Variants in CDH3 observed in about 807,000 individuals in gnomAD.
The protein encoded by CDH3 is cadherin 3.
A neutral mutation model predicts 82.0 loss-of-function variants in CDH3; 54 were observed. The ratio of observed to expected loss-of-function variants is 0.66; its 90% confidence interval spans 0.53 to 0.83. The LOEUF (loss-of-function observed/expected upper bound fraction) is 0.83, where lower values mean the gene tolerates loss of function less well. CDH3 is among the 40% of genes least tolerant of loss of function. The pLI is 0.00. For missense variants in CDH3, 1,054 were observed against 1,084.6 expected, an observed-to-expected ratio of 0.97 and a Z score of 0.40; for synonymous variants, 446 against 437.9, an observed-to-expected ratio of 1.02 and a Z score of -0.23.
At chr16:68,645,526 C>A in intron 1 of CDH3, 102 bp downstream of exon 1, 2 of 1,475,150 alleles carry the variant, frequency 1.4e-6, no homozygotes, top group South Asian at 1.2e-5. Flanking sequence ...GGGCTGCGCT[C>A]CCTGGGGCCA....
chr16:68,731,037 A>C (rs1410940777), downstream of CDH3, among the ~76,000 whole-genome samples: 57 of 32,670 alleles, frequency 1.7e-3, 5 homozygotes, highest in Non-Finnish European at 5.8e-4. Flanking sequence ...AAAAAAAAAA[A>C]AAAAAAAAAA....
At chr16:68,704,121 C>G (rs1458298224), downstream of CDH3, among the ~76,000 whole-genome samples, 1 of 151,300 alleles carries the variant, frequency 6.6e-6, no homozygotes, top group Non-Finnish European at 1.5e-5. Flanking sequence ...CCCGTCTCTA[C>G]TAAAAATACA....
chr16:68,673,048 A>G (rs914497370), intron 2 of CDH3, among the ~76,000 whole-genome samples: 11 of 152,044 alleles, frequency 7.2e-5, no homozygotes, highest in South Asian at 4.2e-4. Flanking sequence ...CAGTGTTTCT[A>G]CCCATTCTCC....
In CDH3 at chr16:68,691,795, A is replaced by G. The variant is rs770758498; in HGVS notation, c.1871A>G (p.His624Arg). 5.0e-6 allele frequency: 8 copies of G among 1,614,058 alleles called. No homozygotes were observed. In the Admixed American group the frequency reaches 6.7e-5, roughly 13 times the overall value. Residue 624 changes from histidine to arginine, a missense_variant, in exon 13 of 16, where the codon CAT becomes CGT. Physicochemically the swap from His to Arg is conservative, Grantham distance 29 (BLOSUM62 0). Transcript: ENST00000264012. ...TYDVHLSLSD[H>R]GNKEQLTVIR... ...GACGTGCACCTTTCTCTGTCTGACC[A>G]TGGCAACAAAGAGCAGCTGACGGTG...
chr16:68,711,843 G>A (rs918000332), intron 1 of CDH3, among the ~76,000 whole-genome samples: 1 of 152,038 alleles, frequency 6.6e-6, no homozygotes, highest in Non-Finnish European at 1.5e-5. Flanking sequence ...GGACAGTGGA[G>A]TGGGAGGATA....
Position 68,645,343 on chromosome 16 carries a change from C to T in CDH3, c.-37C>T. 1 of 1,608,730 alleles carries T rather than the reference C, an allele frequency of 6.2e-7. No individual in the cohort carries two copies. The highest frequency in any genetic ancestry group is 8.5e-7 in the Non-Finnish European group (1 of 1,176,776). Reference sequence around the variant, plus strand: ...AAGAGCTGAGCGGAACACCGGCCCGCCGTCGCGGCAGCTGCTTCACCCCTC... The same window carrying T: ...AAGAGCTGAGCGGAACACCGGCCCGTCGTCGCGGCAGCTGCTTCACCCCTC... On this transcript the variant is annotated 5_prime_UTR_variant, in exon 1 of 16. Transcript: ENST00000264012.
At position 68,681,021 on chromosome 16, in the gene CDH3, C is replaced by T. The variant is rs1961209476; in HGVS notation, c.921C>T (p.Gly307=). 6.2e-7 allele frequency: 1 copy of T among 1,614,050 alleles called. No homozygotes were observed. The highest frequency in any genetic ancestry group is 8.5e-7 in the Non-Finnish European group (1 of 1,179,958). ...AGGCCACAGACATGGATGGGGACGG[C>T]TCCACCACCACGGCAGTGGCAGTAG... ...TIQATDMDGD[G]STTTAVAVVE... is the part of the protein sequence containing the mutation. The change falls in exon 8 of 16, where the codon GGC becomes GGT. Residue 307 remains glycine (G), a synonymous_variant. Transcript: ENST00000264012.
intron 2 of CDH3, among the ~76,000 whole-genome samples, chr16:68,647,862 T>C (rs1300966478): frequency 1.3e-5 from 2 of 152,096 alleles, no homozygotes; most frequent in Non-Finnish European, 2.9e-5. Flanking sequence ...ACGTATAGAC[T>C]CTCAAGTTTA....
intron 1 of CDH3, among the ~76,000 whole-genome samples, chr16:68,720,388 G>A (rs1184963563): frequency 6.6e-6 from 1 of 152,112 alleles, no homozygotes; most frequent in Non-Finnish European, 1.5e-5. Flanking sequence ...AGTTTGTCAA[G>A]CCCAGCCTGA....
At chr16:68,713,210 C>T (rs1197793771) in intron 1 of CDH3, among the ~76,000 whole-genome samples, 1 of 152,090 alleles carries the variant, frequency 6.6e-6, no homozygotes, top group Non-Finnish European at 1.5e-5. Context: ...CAAGGAAAAA[C>T]AATAAAATTA....
chr16:68,686,771 A>G (rs1449043133), intron 11 of CDH3: 3 of 612,198 alleles, frequency 4.9e-6, no homozygotes, highest in African/African-American at 1.8e-5. Context: ...AATAATTTCC[A>G]TATTTCTCTC....
chr16:68,731,041 AAAAAAAAT>A (rs1962278226), downstream of CDH3, among the ~76,000 whole-genome samples: 31 of 27,222 alleles, frequency 1.1e-3, no homozygotes, highest in South Asian at 3.4e-3. Context: ...AAAAAAAAAA[AAAAAAAAT>A]ATATATATAT....
chr16:68,650,152 G>A (rs1432155274), intron 2 of CDH3, among the ~76,000 whole-genome samples: 4 of 152,068 alleles, frequency 2.6e-5, no homozygotes, highest in Non-Finnish European at 4.4e-5. Flanking sequence ...TTTCCCCACC[G>A]GGCCCCTGGG....
At chr16:68,724,675 C>G (rs956896150) in intron 2 of CDH3, among the ~76,000 whole-genome samples, 1 of 151,516 alleles carries the variant, frequency 6.6e-6, no homozygotes, top group Non-Finnish European at 1.5e-5. Flanking sequence ...CCCCACACTA[C>G]GTTGTCTGGC....
At chr16:68,652,477 G>A (rs1472773097) in intron 2 of CDH3, among the ~76,000 whole-genome samples, 1 of 152,142 alleles carries the variant, frequency 6.6e-6, no homozygotes, top group Non-Finnish European at 1.5e-5. Flanking sequence ...AAAGCATTTG[G>A]AGGATGATGG....
At chr16:68,675,013 T>C (rs1285580594) in intron 2 of CDH3, among the ~76,000 whole-genome samples, 1 of 151,854 alleles carries the variant, frequency 6.6e-6, no homozygotes, top group African/African-American at 2.4e-5. Flanking sequence ...GTCGGGAGGC[T>C]GAGGCAGAAG....
In CDH3 at chr16:68,714,069, G is replaced by A. The variant is rs576203259; in HGVS notation, c.100-8356G>A. 2.2e-4 allele frequency among the ~76,000 whole-genome samples: 33 copies of A among 152,140 alleles called. 1 individual carries two copies. The highest frequency in any genetic ancestry group is 7.5e-4 in the African/African-American group (31 of 41,506). ...CTGCCTCAGCCTCCCAAGTAGCTGG[G>A]ATTACAGGTACACGCTACCATGCCC... is the stretch of plus-strand genomic sequence containing the variant. On this transcript the variant is annotated intron_variant, in intron 1 of 2. Coordinates refer to the CDH3 transcript ENST00000569080.
chr16:68,717,718 A>T (rs1962111383), intron 1 of CDH3, among the ~76,000 whole-genome samples: 1 of 151,374 alleles, frequency 6.6e-6, no homozygotes, highest in Admixed American at 6.6e-5. Flanking sequence ...CGTTGCAGTG[A>T]GTTGAGATGG....
At chr16:68,681,211 C>A in intron 8 of CDH3, 115 bp downstream of exon 8, 1 of 1,166,240 alleles carries the variant, frequency 8.6e-7, no homozygotes, top group Non-Finnish European at 1.3e-6. Context: ...AGCACTATGG[C>A]TGTGTGACCT....
Sources: gnomAD v4.1 joint callset for allele counts (sites outside exome capture counted in the v4.1 genomes callset) on GRCh38, gnomAD v4.1.1 for gene constraint, MANE v1.5 for transcripts, NCBI Gene and HGNC (gene_info 2026-07-23, HGNC 2026-07-21) for gene names.